FSTL1: variants seen among roughly 807,000 people sequenced by gnomAD.
FSTL1 encodes the protein follistatin-related protein 1.
A neutral mutation model predicts 45.9 loss-of-function variants in FSTL1; 24 were observed. The ratio of observed to expected loss-of-function variants is 0.52; its 90% confidence interval spans 0.38 to 0.74. The LOEUF is 0.74. Ranked by LOEUF, FSTL1 falls within the 30% of genes least tolerant of loss-of-function variation. FSTL1 has a pLI of 0.00. For missense variants in FSTL1, 340 were observed against 381.8 expected (o/e 0.89, Z 0.91); for synonymous variants, 120 against 137.6 (o/e 0.87, Z 0.89).
intron 2 of FSTL1, among the ~76,000 whole-genome samples, chr3:120,444,539 G>C (rs1029557499): frequency 6.7e-6 from 1 of 149,616 alleles, no homozygotes; most frequent in Non-Finnish European, 1.5e-5. Flanking sequence ...CTGAAGTCCT[G>C]CCCCTTGGAT....
chr3:120,426,222 T>C (rs184640131), intron 2 of FSTL1, among the ~76,000 whole-genome samples: 39 of 152,072 alleles, frequency 2.6e-4, no homozygotes, highest in Admixed American at 2.5e-3. Flanking sequence ...GAGAAAGCTC[T>C]AGGGCAGCTG....
intron 4 of FSTL1, among the ~76,000 whole-genome samples, chr3:120,411,508 A>G (rs1344617218): frequency 6.6e-6 from 1 of 152,132 alleles, no homozygotes; most frequent in Non-Finnish European, 1.5e-5. Flanking sequence ...GAAAAGTGAA[A>G]CTTACCTACT....
chr3:120,442,092 A>G (rs1364975901), intron 2 of FSTL1, among the ~76,000 whole-genome samples: 1 of 152,360 alleles, frequency 6.6e-6, no homozygotes, highest in East Asian at 1.9e-4. Context: ...TGGTGAAATC[A>G]TTACAGAGTC....
intron 2 of FSTL1, among the ~76,000 whole-genome samples, chr3:120,445,630 T>C (rs1648527150): frequency 6.7e-6 from 1 of 149,624 alleles, no homozygotes; most frequent in Non-Finnish European, 1.5e-5. Context: ...TTTGTGCATT[T>C]TGCTACCATA....
At position 120,416,608 on chromosome 3, in the gene FSTL1, A is replaced by G. The variant is rs576367873; in HGVS notation, c.64-581T>C. ...ATTGTACAGAACTATGACTATCTGA[A>G]GGACCCAAACCTGACTGAATGGTGT... On this transcript the variant is annotated intron_variant, in intron 2 of 10. Transcript: ENST00000295633. Among the ~76,000 whole-genome samples, 5 of 152,356 alleles carry G rather than the reference A, an allele frequency of 3.3e-5. No individual in the cohort carries two copies. In the East Asian group the frequency reaches 9.6e-4, roughly 29 times the overall value.
At chr3:120,443,439 C>T (rs200915604) in intron 2 of FSTL1, among the ~76,000 whole-genome samples, 1 of 149,962 alleles carries the variant, frequency 6.7e-6, no homozygotes, top group African/African-American at 2.5e-5. Flanking sequence ...ATGCCTGACA[C>T]TTCTGTAGAT....
Position 120,395,748 on chromosome 3 carries a change from T to C in FSTL1, c.*1204A>G, listed in dbSNP as rs1354716350. 2 of 533,070 alleles carry C rather than the reference T, an allele frequency of 3.8e-6. No individual in the cohort carries two copies. Among genetic ancestry groups the C allele is most frequent in the Non-Finnish European group, 7.7e-6 (2 of 259,852 alleles). 33.0% of individuals were successfully genotyped at this position (533,070 alleles called of 1,614,324 possible). The stretch of plus-strand genomic sequence containing the variant: ...CCAATGATCAGAACCACAGAATTTA[T>C]AACTTATCAAATCAAAAGGTTAGTG... On this transcript the variant is annotated 3_prime_UTR_variant, in exon 11 of 11. Coordinates refer to ENST00000295633, the MANE Select transcript of FSTL1 (RefSeq NM_007085.5).
At chr3:120,432,456 C>T (rs185910775) in intron 2 of FSTL1, among the ~76,000 whole-genome samples, 1 of 152,078 alleles carries the variant, frequency 6.6e-6, no homozygotes, top group East Asian at 1.9e-4. Context: ...CAACAAATTC[C>T]CCCCTATTTT....
chr3:120,432,082 T>G (rs1332395267), intron 2 of FSTL1, among the ~76,000 whole-genome samples: 1 of 152,202 alleles, frequency 6.6e-6, no homozygotes, highest in African/African-American at 2.4e-5. Context: ...ATTTGGAGCC[T>G]TCTCTTAGCT....
chr3:120,439,591 C>T (rs1415064066), intron 2 of FSTL1, among the ~76,000 whole-genome samples: 2 of 152,094 alleles, frequency 1.3e-5, no homozygotes, highest in Non-Finnish European at 1.5e-5. Context: ...TCAGAGATAA[C>T]GTTGGGTTTG....
In FSTL1 at chr3:120,396,427, G is replaced by A. The variant is rs1936700991; in HGVS notation, c.*525C>T. On this transcript the variant is annotated 3_prime_UTR_variant, in exon 11 of 11. Coordinates refer to ENST00000295633, the MANE Select transcript of FSTL1 (RefSeq NM_007085.5). ...TCCATCCAAGTCTGAGGGACACTGG[G>A]TTAACTAGCAGTATGGCTATGTATC... is the stretch of plus-strand genomic sequence containing the variant. 6.5e-6 allele frequency: 1 copy of A among 154,182 alleles called. No individual in the cohort carries two copies. Among genetic ancestry groups the A allele is most frequent in the South Asian group, 2.0e-4 (1 of 4,890 alleles). The allele number at this position is 154,182 out of a possible 1,614,324, so 9.6% of individuals were successfully genotyped here. A position where few individuals can be genotyped will look rare whatever the true frequency, so the allele number is the denominator to read the frequency against.
rs111237455 is a variant in FSTL1, at chr3:120,404,119, C to T, written c.581+734G>A. Among the ~76,000 whole-genome samples the T allele has an allele frequency of 6.0e-3, 906 of 152,140 alleles. 7 individuals are homozygous for T. Among genetic ancestry groups the T allele is most frequent in the Non-Finnish European group, 0.01 (688 of 68,002 alleles). On this transcript the variant is annotated intron_variant, in intron 7 of 10. Coordinates refer to ENST00000295633, the MANE Select transcript of FSTL1 (RefSeq NM_007085.5). ...ACTTTTCTGAGCCTGTCTTCCCATCCGTAAAAGGAGGACAAGAAGCCCTCC... is the reference window on the plus strand; with the variant it reads ...ACTTTTCTGAGCCTGTCTTCCCATCTGTAAAAGGAGGACAAGAAGCCCTCC...
At chr3:120,408,772 T>C (rs1936994543) in intron 6 of FSTL1, among the ~76,000 whole-genome samples, 1 of 151,950 alleles carries the variant, frequency 6.6e-6, no homozygotes, top group South Asian at 2.1e-4. Context: ...TTTAAGTGTG[T>C]CCTTCTCTGT....
At chr3:120,445,690 A>C (rs147104748) in intron 2 of FSTL1, among the ~76,000 whole-genome samples, 1,686 of 149,830 alleles carry the variant, frequency 0.011, 222 homozygotes, top group African/African-American at 0.041. Context: ...TAAAAAAAAA[A>C]CAGCAATAAG....
At chr3:120,438,133 C>T (rs1355533147) in intron 2 of FSTL1, 1 of 152,178 alleles carries the variant, frequency 6.6e-6, no homozygotes, top group Non-Finnish European at 1.5e-5. Flanking sequence ...AAGCCATTTG[C>T]AATACTGCAT....
intron 8 of FSTL1, 123 bp from the exon 9 acceptor site, chr3:120,403,041 A>G (rs749655270): frequency 6.7e-6 from 5 of 750,726 alleles, no homozygotes; most frequent in East Asian, 2.6e-5. Context: ...CAGAAGCACT[A>G]TATCTGAGCA....
chr3:120,446,370 G>A (rs1208750184), intron 2 of FSTL1, among the ~76,000 whole-genome samples: 2 of 152,210 alleles, frequency 1.3e-5, no homozygotes, highest in South Asian at 2.1e-4. Context: ...TGGGGATGGA[G>A]TCCTGGTTTC....
At chr3:120,443,902 C>G (rs1937681833) in intron 2 of FSTL1, among the ~76,000 whole-genome samples, 1 of 149,908 alleles carries the variant, frequency 6.7e-6, no homozygotes, top group South Asian at 2.1e-4. Flanking sequence ...CTCCAACTAC[C>G]CAAAGAGCAT....
At position 120,404,987 on chromosome 3, in the gene FSTL1, C is replaced by A. The variant is rs765384446; in HGVS notation, c.463-16G>T. 4.6e-6 allele frequency: 6 copies of A among 1,297,322 alleles called. No individual in the cohort carries two copies. The highest frequency in any genetic ancestry group is 1.2e-5 in the South Asian group (1 of 84,834). The allele number at this position is 1,297,322 out of a possible 1,614,324, so 80.4% of individuals were successfully genotyped here. On this transcript the variant is annotated splice_polypyrimidine_tract_variant and intron_variant, in intron 6 of 10. Transcript: ENST00000295633. ...TATCAAAGTTCTAGAAAGGGCATGA[C>A]AAGATCGTTCAGGGATGTTTTGCAG... is the stretch of plus-strand genomic sequence containing the variant.
Sources: gnomAD v4.1 joint callset for allele counts (sites outside exome capture counted in the v4.1 genomes callset) on GRCh38, gnomAD v4.1.1 for gene constraint, MANE v1.5 for transcripts, NCBI Gene and HGNC (gene_info 2026-07-23, HGNC 2026-07-21) for gene names.